The following CPEB1 variants were observed in gnomAD, a reference collection of about 807,000 sequenced individuals.
The protein encoded by CPEB1 is cytoplasmic polyadenylation element-binding protein 1.
Under a neutral mutation model 65.8 loss-of-function variants are expected in CPEB1, and 7 were observed. The ratio of observed to expected loss-of-function variants is 0.11; its 90% CI spans 0.06 to 0.20. CPEB1 has a LOEUF of 0.20. CPEB1 is among the 10% of genes least tolerant of loss of function. The pLI, the probability that CPEB1 is intolerant of heterozygous loss-of-function variation, is 1.00. For missense variants in CPEB1, 551 were observed against 712.2 expected (o/e 0.77, Z 2.58); for synonymous variants, 262 against 260.0 (o/e 1.01, Z -0.08).
intron 3 of CPEB1, among the ~76,000 whole-genome samples, chr15:82,611,416 C>CA (rs978821032): frequency 5.3e-5 from 8 of 151,608 alleles, no homozygotes; most frequent in South Asian, 2.1e-4. Flanking sequence ...TAAATTAAAA[C>CA]AAAAAAAATC....
chr15:82,643,688 CG>C (rs1328478029), intron 1 of CPEB1, among the ~76,000 whole-genome samples: 2 of 151,970 alleles, frequency 1.3e-5, no homozygotes, highest in African/African-American at 2.4e-5. Context: ...CCTTTACATC[CG>C]TAAGTGTGGC....
chr15:82,572,270 G>A (rs996116209), intron 3 of CPEB1, among the ~76,000 whole-genome samples: 2 of 152,234 alleles, frequency 1.3e-5, no homozygotes, highest in African/African-American at 4.8e-5. Context: ...ACACAGCAGT[G>A]TTTACCACTG....
chr15:82,624,328 G>A (rs955669216), intron 3 of CPEB1, among the ~76,000 whole-genome samples: 1 of 152,120 alleles, frequency 6.6e-6, no homozygotes, highest in Admixed American at 6.6e-5. Flanking sequence ...AGAATTCCTT[G>A]AGTTCCCTTA....
chr15:82,552,697 C>T, intron 8 of CPEB1, 81 bp from the exon 9 acceptor site: 2 of 1,473,802 alleles, frequency 1.4e-6, no homozygotes, highest in Non-Finnish European at 9.4e-7. Flanking sequence ...CAGGGCGTTT[C>T]TTCCAAGAAA....
intron 6 of CPEB1, 27 bp downstream of exon 6, chr15:82,555,843 C>T: frequency 6.3e-7 from 1 of 1,596,832 alleles, no homozygotes; most frequent in Non-Finnish European, 8.5e-7. Flanking sequence ...AGGCCTCAGG[C>T]CTCACACATG....
chr15:82,587,107 T>C (rs1200279052), intron 3 of CPEB1, among the ~76,000 whole-genome samples: 1 of 151,860 alleles, frequency 6.6e-6, no homozygotes, highest in African/African-American at 2.4e-5. Flanking sequence ...ATAAAGAAAA[T>C]GGGAATTAAA....
intron 3 of CPEB1, among the ~76,000 whole-genome samples, chr15:82,587,901 C>T (rs900110841): frequency 4.6e-5 from 7 of 151,444 alleles, no homozygotes; most frequent in East Asian, 1.9e-4. Context: ...ATGAGGATAA[C>T]GGCCAAATTT....
chr15:82,609,248 C>T (rs1278300466), intron 3 of CPEB1, among the ~76,000 whole-genome samples: 1 of 151,984 alleles, frequency 6.6e-6, no homozygotes, highest in Non-Finnish European at 1.5e-5. Context: ...ACCTGTAATC[C>T]CAGAACTTTA....
chr15:82,548,675 C>G (rs1383204031), intron 10 of CPEB1: 1 of 455,550 alleles, frequency 2.2e-6, no homozygotes, highest in East Asian at 7.0e-5. Context: ...ACTCTGGAGA[C>G]CTATTAAGAG....
At chr15:82,608,742 A>C (rs772076880) in intron 3 of CPEB1, among the ~76,000 whole-genome samples, 1 of 150,368 alleles carries the variant, frequency 6.7e-6, no homozygotes, top group Non-Finnish European at 1.5e-5. Flanking sequence ...CTGCCATTTC[A>C]CTAATATTAC....
chr15:82,644,830 G>T (rs995197909), intron 1 of CPEB1, among the ~76,000 whole-genome samples: 3 of 152,202 alleles, frequency 2.0e-5, no homozygotes, highest in African/African-American at 7.2e-5. Context: ...CAGTGAAAAT[G>T]CTTATTAAGG....
intron 3 of CPEB1, among the ~76,000 whole-genome samples, chr15:82,610,060 CAAA>C (rs34626642): frequency 3.8e-5 from 4 of 106,282 alleles, no homozygotes; most frequent in African/African-American, 7.3e-5. Context: ...ACCTCCGTGG[CAAA>C]AAAAAAAAAA....
chr15:82,617,577 A>G (rs1410146892), intron 3 of CPEB1, among the ~76,000 whole-genome samples: 3 of 152,158 alleles, frequency 2.0e-5, no homozygotes, highest in African/African-American at 7.2e-5. Context: ...TACAGACTAC[A>G]GTATCAATAT....
chr15:82,618,180 T>G (rs1020867370), intron 3 of CPEB1, among the ~76,000 whole-genome samples: 2 of 152,124 alleles, frequency 1.3e-5, no homozygotes, highest in Non-Finnish European at 2.9e-5. Flanking sequence ...TTCCAAATAG[T>G]TGTACCATTT....
intron 3 of CPEB1, among the ~76,000 whole-genome samples, chr15:82,595,560 C>A (rs895850321): frequency 6.6e-6 from 1 of 152,146 alleles, no homozygotes; most frequent in African/African-American, 2.4e-5. Flanking sequence ...GATCAAGACA[C>A]ATCAAACACA....
chr15:82,632,112 G>C (rs987350693), intron 1 of CPEB1, among the ~76,000 whole-genome samples: 1 of 150,778 alleles, frequency 6.6e-6, no homozygotes, highest in African/African-American at 2.4e-5. Flanking sequence ...CTCTGGAGTA[G>C]CTGGGACTAC....
chr15:82,558,953 GT>G (rs5814116), intron 4 of CPEB1, among the ~76,000 whole-genome samples: 95,786 of 147,222 alleles, frequency 0.65, 31,220 homozygotes, highest in African/African-American at 0.75. Flanking sequence ...TTAATTTGAA[GT>G]TTTTTTTTTT....
intron 3 of CPEB1, among the ~76,000 whole-genome samples, chr15:82,586,938 A>T (rs1267701729): frequency 6.6e-6 from 1 of 152,226 alleles, no homozygotes; most frequent in African/African-American, 2.4e-5. Flanking sequence ...GATGACAATG[A>T]ATTAACACAC....
intron 1 of CPEB1, among the ~76,000 whole-genome samples, chr15:82,632,494 G>T (rs1156451022): frequency 2.0e-5 from 3 of 151,932 alleles, no homozygotes; most frequent in African/African-American, 7.3e-5. Context: ...CTCGACATGT[G>T]TACTGTGTAT....
Sources: gnomAD v4.1 joint callset for allele counts (sites outside exome capture counted in the v4.1 genomes callset) on GRCh38, gnomAD v4.1.1 for gene constraint, MANE v1.5 for transcripts, NCBI Gene and HGNC (gene_info 2026-07-23, HGNC 2026-07-21) for gene names.